Variants in KCNQ1 observed in about 807,000 individuals in gnomAD.
KCNQ1 encodes potassium voltage-gated channel subfamily Q member 1, also known as potassium voltage-gated channel subfamily KQT member 1.
In KCNQ1, 49 loss-of-function variants were observed where a neutral mutation model predicts 72.4. The observed-to-expected ratio is 0.68, with a 90% CI of 0.54 to 0.86. The LOEUF (loss-of-function observed/expected upper bound fraction) is 0.86. KCNQ1 is among the 40% of genes least tolerant of loss of function. The pLI, the probability that KCNQ1 is intolerant of heterozygous loss-of-function variation, is 0.00. For synonymous variants in KCNQ1, 450 were observed against 412.6 expected, an observed-to-expected ratio of 1.09 and a Z score of -1.10; for missense variants, 790 against 945.1, an observed-to-expected ratio of 0.84 and a Z score of 2.15.
rs1250757750 is a variant in KCNQ1, at chr11:2,651,918, TCTC to T, written c.1394-10037_1394-10035del. 7.5e-6 allele frequency: 3 copies of T among 398,732 alleles called. No homozygotes were observed. The highest frequency in any genetic ancestry group is 3.6e-5 in the East Asian group (1 of 28,072). The allele number at this position is 398,732 out of a possible 1,614,324, so 24.7% of individuals were successfully genotyped here. On this transcript the variant is annotated intron_variant, in intron 10 of 15. Coordinates refer to ENST00000155840, the MANE Select transcript of KCNQ1 (RefSeq NM_000218.3). This position sits in a 1 kb window ranked among gnomAD's most constrained non-coding sequence, Gnocchi z 6.1. ...CGAGGGTCCCTCTGGGGCCGCTTGC[TCTC>T]CTCCTACTCACAGCCCTCCTGCAGC...
rs1455454990 is a variant in KCNQ1 at position 2,447,326 on chromosome 11, G to A, written c.386+1842G>A. On this transcript the variant is annotated intron_variant, in intron 1 of 15. Transcript: ENST00000155840. The surrounding 1 kb of genome is among the most constrained non-coding windows in gnomAD (Gnocchi z 7.6). ...ATGGCTTCTGTGAAGGGGTGGCCAG[G>A]AAAGGGATGCTTCTGTGAAGTGGCC... 6.6e-6 allele frequency among the ~76,000 whole-genome samples: 1 copy of A among 152,186 alleles called. No individual in the cohort carries two copies. The highest frequency in any genetic ancestry group is 1.5e-5 in the Non-Finnish European group (1 of 68,026).
In KCNQ1 at chr11:2,611,427, G is replaced by A. The variant is rs1161982158; in HGVS notation, c.1393+22573G>A. 7.5e-6 allele frequency: 3 copies of A among 397,688 alleles called. No individual in the cohort carries two copies. The highest frequency in any genetic ancestry group is 4.1e-5 in the African/African-American group (2 of 48,734). The allele number at this position is 397,688 out of a possible 1,614,324, so 24.6% of individuals were successfully genotyped here. A position where few individuals can be genotyped will look rare whatever the true frequency, so the allele number is the denominator to read the frequency against. ...GAGTTTCACCATGTTGACCAGGCTG[G>A]TCTTGAACTCCTGACCTCGAGTGAT... On this transcript the variant is annotated intron_variant, in intron 10 of 15. Coordinates refer to ENST00000155840, the MANE Select transcript of KCNQ1 (RefSeq NM_000218.3). This position sits in a 1 kb window ranked among gnomAD's most constrained non-coding sequence, Gnocchi z 5.3.
chr11:2,779,298 CTT>C (rs1846774252), intron 15 of KCNQ1, among the ~76,000 whole-genome samples: 1 of 152,214 alleles, frequency 6.6e-6, no homozygotes, highest in South Asian at 2.1e-4. Context: ...GTTTCCCTGG[CTT>C]TCTCTTTGCG....
In KCNQ1 at chr11:2,611,153, G is replaced by A. The variant is rs1589980612; in HGVS notation, c.1393+22299G>A. On this transcript the variant is annotated intron_variant, in intron 10 of 15. Coordinates refer to ENST00000155840, the MANE Select transcript of KCNQ1 (RefSeq NM_000218.3). This position sits in a 1 kb window ranked among gnomAD's most constrained non-coding sequence, Gnocchi z 5.3. ...CTGTTAAATTTTCCCTTTTGTCATT[G>A]TAAAATGCTTCTCAGTATCTCTAAT... 1 of 398,264 alleles carries A rather than the reference G, an allele frequency of 2.5e-6. No individual in the cohort carries two copies. Among genetic ancestry groups the A allele is most frequent in the East Asian group, 3.6e-5 (1 of 28,040 alleles). 24.7% of individuals were successfully genotyped at this position (398,264 alleles called of 1,614,324 possible). A position where few individuals can be genotyped will look rare whatever the true frequency, so the allele number is the denominator to read the frequency against.
rs1180398335 is a variant in KCNQ1 at position 2,826,102 on chromosome 11, T to C, written c.1795-21665T>C. ...CCTCCACAGCAAGCAGCCTGTTACC[T>C]AACCAGGCCTGGCTCATGCCAATGT... On this transcript the variant is annotated intron_variant, in intron 15 of 15. Transcript: ENST00000155840. The surrounding 1 kb of genome is among the most constrained non-coding windows in gnomAD (Gnocchi z 4.2). Among the ~76,000 whole-genome samples, 1 of 152,244 alleles carries C rather than the reference T, an allele frequency of 6.6e-6. No homozygotes were observed. Among genetic ancestry groups the C allele is most frequent in the Non-Finnish European group, 1.5e-5 (1 of 68,050 alleles).
intron 1 of KCNQ1, among the ~76,000 whole-genome samples, chr11:2,505,897 G>C (rs1036213326): frequency 1.3e-5 from 2 of 152,086 alleles, no homozygotes; most frequent in Admixed American, 6.5e-5. Context: ...GTCTCTAGTA[G>C]ACAGCATGTA....
intron 15 of KCNQ1, among the ~76,000 whole-genome samples, chr11:2,825,374 G>A (rs149879865): frequency 2.3e-3 from 348 of 152,352 alleles, no homozygotes; most frequent in South Asian, 8.7e-3. Flanking sequence ...TCCTTCCAGG[G>A]AAATGGGCGT....
chr11:2,654,007 A>T lies in KCNQ1; in HGVS notation c.1394-7954A>T, dbSNP rs1326972117. 1 of 398,558 alleles carries T rather than the reference A, an allele frequency of 2.5e-6. No homozygotes were observed. The highest frequency in any genetic ancestry group is 2.1e-5 in the African/African-American group (1 of 48,646). The allele number at this position is 398,558 out of a possible 1,614,324, so 24.7% of individuals were successfully genotyped here. Reference sequence around the variant, plus strand: ...AAGCGGAACTGGGTGCCAGCTGTGAATATACATTTTCACTCCATTCCTCGC... The same window carrying T: ...AAGCGGAACTGGGTGCCAGCTGTGATTATACATTTTCACTCCATTCCTCGC... On this transcript the variant is annotated intron_variant, in intron 10 of 15. Coordinates refer to ENST00000155840, the MANE Select transcript of KCNQ1 (RefSeq NM_000218.3). The surrounding 1 kb of genome is among the most constrained non-coding windows in gnomAD (Gnocchi z 6.4).
chr11:2,523,760 T>TTTTTTG (rs1847440706), intron 1 of KCNQ1, among the ~76,000 whole-genome samples: 1 of 146,798 alleles, frequency 6.8e-6, no homozygotes, highest in African/African-American at 2.6e-5. Flanking sequence ...AGTTTTTTTT[T>TTTTTTG]TTTTTTTTTT....
Position 2,661,555 on chromosome 11 carries a change from T to TGAG in KCNQ1, c.1394-405_1394-403dup. On this transcript the variant is annotated intron_variant, in intron 10 of 15. Transcript: ENST00000155840. The surrounding 1 kb of genome is among the most constrained non-coding windows in gnomAD (Gnocchi z 5.9). ...CCTGACCCACTACTCTGTCAATGTATGAGTGTGACAATGTATGGTGGTGGG... is the reference window on the plus strand; with the variant it reads ...CCTGACCCACTACTCTGTCAATGTATGAGGAGTGTGACAATGTATGGTGGTGGG... 2 of 534,676 alleles carry TGAG rather than the reference T, an allele frequency of 3.7e-6. No individual in the cohort carries two copies. The highest frequency in any genetic ancestry group is 6.6e-6 in the Non-Finnish European group (2 of 301,978). 33.1% of individuals were successfully genotyped at this position (534,676 alleles called of 1,614,324 possible).
At chr11:2,465,338 A>C (rs905719222) in intron 1 of KCNQ1, among the ~76,000 whole-genome samples, 2 of 152,152 alleles carry the variant, frequency 1.3e-5, no homozygotes, top group Non-Finnish European at 2.9e-5. Flanking sequence ...CCCTGGCTGC[A>C]GCTGGAAGCT....
chr11:2,573,209 T>C (rs907133924), intron 6 of KCNQ1, among the ~76,000 whole-genome samples: 3 of 152,198 alleles, frequency 2.0e-5, no homozygotes, highest in African/African-American at 7.2e-5. Context: ...CTGAATGGTC[T>C]CATCCTTGAA....
chr11:2,698,774 C>A lies in KCNQ1; in HGVS notation c.1514+36693C>A. 5.0e-6 allele frequency: 2 copies of A among 398,788 alleles called. No homozygotes were observed. Among genetic ancestry groups the A allele is most frequent in the South Asian group, 1.3e-4 (1 of 7,844 alleles). The allele number at this position is 398,788 out of a possible 1,614,324, so 24.7% of individuals were successfully genotyped here. On this transcript the variant is annotated intron_variant, in intron 11 of 15. Transcript: ENST00000155840. The surrounding 1 kb of genome is among the most constrained non-coding windows in gnomAD (Gnocchi z 5.1). ...CAGAGCCATGATGCAGACTCCAGACCGGGATTCAGGTCCCCAACTCAGACT... is the reference window on the plus strand; with the variant it reads ...CAGAGCCATGATGCAGACTCCAGACAGGGATTCAGGTCCCCAACTCAGACT...
At chr11:2,506,262 A>G (rs1847103957) in intron 1 of KCNQ1, among the ~76,000 whole-genome samples, 2 of 152,176 alleles carry the variant, frequency 1.3e-5, no homozygotes, top group East Asian at 1.9e-4. Context: ...ATTCTTTTGC[A>G]TGTAGATACT....
chr11:2,519,777 C>G (rs1392401923), intron 1 of KCNQ1, among the ~76,000 whole-genome samples: 5 of 97,806 alleles, frequency 5.1e-5, no homozygotes, highest in African/African-American at 1.5e-4. Context: ...GTGTTGGCCC[C>G]CCCCCACAAC....
chr11:2,458,353 T>C lies in KCNQ1; in HGVS notation c.386+12869T>C, dbSNP rs1468414580. ...GTCAATAGGGAGACCGCTCATGATG[T>C]TGAATCCTGGCAAGCAAACGGAGAG... On this transcript the variant is annotated intron_variant, in intron 1 of 15. Coordinates refer to ENST00000155840, the MANE Select transcript of KCNQ1 (RefSeq NM_000218.3). This position sits in a 1 kb window ranked among gnomAD's most constrained non-coding sequence, Gnocchi z 4.6. Among the ~76,000 whole-genome samples, 1 of 152,252 alleles carries C rather than the reference T, an allele frequency of 6.6e-6. No homozygotes were observed. Among genetic ancestry groups the C allele is most frequent in the Non-Finnish European group, 1.5e-5 (1 of 68,056 alleles).
At chr11:2,490,953 G>C (rs954220238) in intron 1 of KCNQ1, among the ~76,000 whole-genome samples, 3 of 152,106 alleles carry the variant, frequency 2.0e-5, no homozygotes, top group African/African-American at 7.2e-5. Flanking sequence ...TGATCTGCCC[G>C]CCTCGGCCTC....
At position 2,698,684 on chromosome 11, in the gene KCNQ1, T is replaced by C. The variant is rs1354741435; in HGVS notation, c.1514+36603T>C. On this transcript the variant is annotated intron_variant, in intron 11 of 15. Coordinates refer to ENST00000155840, the MANE Select transcript of KCNQ1 (RefSeq NM_000218.3). This position sits in a 1 kb window ranked among gnomAD's most constrained non-coding sequence, Gnocchi z 5.1. The stretch of plus-strand genomic sequence containing the variant: ...CTCAGAGCCCCCCATTCAGAACCTC[T>C]ACCCAAAGACAGACTCCAGACCCTG... 1 of 398,414 alleles carries C rather than the reference T, an allele frequency of 2.5e-6. No individual in the cohort carries two copies. Among genetic ancestry groups the C allele is most frequent in the Non-Finnish European group, 4.4e-6 (1 of 226,096 alleles). 24.7% of individuals were successfully genotyped at this position (398,414 alleles called of 1,614,324 possible).
intron 1 of KCNQ1, among the ~76,000 whole-genome samples, chr11:2,456,174 C>G (rs1413215231): frequency 6.6e-6 from 1 of 151,990 alleles, no homozygotes; most frequent in Non-Finnish European, 1.5e-5. Flanking sequence ...CCCATCTCTA[C>G]TAAAAATACA....
Sources: allele counts gnomAD v4.1 joint callset (sites outside exome capture counted in the v4.1 genomes callset), GRCh38; gene constraint gnomAD v4.1.1; non-coding constraint Gnocchi (gnomAD v3.1); transcripts MANE v1.5; gene names NCBI Gene and HGNC (gene_info 2026-07-23, HGNC 2026-07-21).